KIF13A: variants seen among roughly 807,000 people sequenced by gnomAD.
KIF13A encodes kinesin family member 13A.
KIF13A carries 79 observed loss-of-function variants against 212.2 expected under a neutral mutation model. That is an observed-to-expected ratio of 0.37 (90% CI 0.31 to 0.45). KIF13A has a LOEUF of 0.45. Among genes scored for constraint, KIF13A ranks in the 20% least tolerant of loss-of-function variants. The pLI is 1.00. For synonymous variants in KIF13A, 789 were observed against 808.6 expected (o/e 0.98, Z 0.41); for missense variants, 1,901 against 2,209.0 (o/e 0.86, Z 2.79).
rs1024755779 is a variant in KIF13A, at chr6:17,823,090, G to A, written c.1786+2678C>T. On this transcript the variant is annotated intron_variant, in intron 16 of 38. Transcript: ENST00000259711. ...TCACTCTTATTGCCCAGGCTGGAGTGCAATGGCACCATCTCGGATCACTGC... is the reference window on the plus strand; with the variant it reads ...TCACTCTTATTGCCCAGGCTGGAGTACAATGGCACCATCTCGGATCACTGC... Among the ~76,000 whole-genome samples the A allele has an allele frequency of 2.0e-5, 3 of 151,040 alleles. No homozygotes were observed. In the South Asian group the frequency reaches 6.3e-4, roughly 32 times the overall value.
intron 12 of KIF13A, among the ~76,000 whole-genome samples, chr6:17,833,113 G>T (rs1765604425): frequency 6.7e-6 from 1 of 150,032 alleles, no homozygotes; most frequent in Non-Finnish European, 1.5e-5. Flanking sequence ...AACCATGCTT[G>T]TTCAAATTTA....
intron 34 of KIF13A, among the ~76,000 whole-genome samples, chr6:17,775,370 T>C (rs1386886965): frequency 1.3e-5 from 2 of 152,230 alleles, no homozygotes; most frequent in Non-Finnish European, 1.5e-5. Flanking sequence ...TATTGATATG[T>C]GTACTATTTT....
rs2150291621 is a variant in KIF13A at position 17,771,021 on chromosome 6, T to G, written c.4581+93A>C. 2.5e-6 allele frequency: 2 copies of G among 804,362 alleles called. No individual in the cohort carries two copies. Among genetic ancestry groups the G allele is most frequent in the African/African-American group, 3.4e-5 (2 of 58,398 alleles). 49.8% of individuals were successfully genotyped at this position (804,362 alleles called of 1,614,324 possible). On this transcript the variant is annotated intron_variant, in intron 38 of 38. Transcript: ENST00000259711. This position sits in a 1 kb window ranked among gnomAD's most constrained non-coding sequence, Gnocchi z 5.4. Reference sequence around the variant, plus strand: ...TTCTTTAAGACAAAGACCCAATACATGTCTTAATTTCTTCTAGCATTTGGA... The same window carrying G: ...TTCTTTAAGACAAAGACCCAATACAGGTCTTAATTTCTTCTAGCATTTGGA...
At chr6:17,929,432 G>A (rs971732248) in intron 2 of KIF13A, among the ~76,000 whole-genome samples, 12 of 145,458 alleles carry the variant, frequency 8.2e-5, no homozygotes, top group African/African-American at 1.5e-4. Context: ...ACAGAGTCTC[G>A]CTCTGTTGGC....
rs150486094 is a variant in KIF13A, at chr6:17,971,406, A to G, written c.146+15648T>C. Among the ~76,000 whole-genome samples the G allele has an allele frequency of 6.8e-3, 1,037 of 152,200 alleles. 8 individuals carry two copies. The highest frequency in any genetic ancestry group is 0.024 in the African/African-American group (979 of 41,534). On this transcript the variant is annotated intron_variant, in intron 2 of 38. Coordinates refer to ENST00000259711, the MANE Select transcript of KIF13A (RefSeq NM_022113.6). The surrounding 1 kb of genome is among the most constrained non-coding windows in gnomAD (Gnocchi z 4.2). The stretch of plus-strand genomic sequence containing the variant: ...CTCTATTTTATAATAAAATATTAAA[A>G]TTTAGTAGCGGTTTGTTTTTTTCCT...
chr6:17,803,956 T>C (rs1194923743), intron 20 of KIF13A, among the ~76,000 whole-genome samples: 3 of 152,104 alleles, frequency 2.0e-5, no homozygotes, highest in African/African-American at 7.2e-5. Context: ...ATCAAGACCA[T>C]CCTGGCTAAC....
rs1483671562 is a variant in KIF13A at position 17,915,651 on chromosome 6, A to C, written c.147-17471T>G. Among the ~76,000 whole-genome samples the C allele has an allele frequency of 6.6e-6, 1 of 152,206 alleles. No homozygotes were observed. The highest frequency in any genetic ancestry group is 2.1e-4 in the South Asian group (1 of 4,812). Reference sequence around the variant, plus strand: ...GTAGTTTCAATGTCACATCGAGTTGAATCACCAGGACAGGAAAATTACAGT... The same window carrying C: ...GTAGTTTCAATGTCACATCGAGTTGCATCACCAGGACAGGAAAATTACAGT... On this transcript the variant is annotated intron_variant, in intron 2 of 38. Coordinates refer to ENST00000259711, the MANE Select transcript of KIF13A (RefSeq NM_022113.6). The surrounding 1 kb of genome is among the most constrained non-coding windows in gnomAD (Gnocchi z 4.4).
chr6:17,805,412 TA>T, intron 19 of KIF13A, 62 bp downstream of exon 19: 2 of 1,310,154 alleles, frequency 1.5e-6, no homozygotes. Context: ...TGTGTGTTGC[TA>T]AATCGCTTAT....
chr6:17,821,009 C>T (rs574007481), intron 16 of KIF13A, among the ~76,000 whole-genome samples: 8 of 152,262 alleles, frequency 5.3e-5, no homozygotes, highest in African/African-American at 1.9e-4. Flanking sequence ...CCTTTGTCAG[C>T]CCCTTAATTG....
At chr6:17,766,165 A>G (rs1420455368) in intron 38 of KIF13A, among the ~76,000 whole-genome samples, 1 of 152,166 alleles carries the variant, frequency 6.6e-6, no homozygotes. Context: ...GAACCGAAGC[A>G]TCAGCCTTAC....
intron 2 of KIF13A, among the ~76,000 whole-genome samples, chr6:17,937,797 T>G (rs1397220180): frequency 6.6e-6 from 1 of 151,254 alleles, no homozygotes; most frequent in Non-Finnish European, 1.5e-5. Flanking sequence ...TCGACCAGGC[T>G]GGAGTACAGT....
chr6:17,833,393 G>A (rs1024989742), intron 12 of KIF13A, among the ~76,000 whole-genome samples: 3 of 151,572 alleles, frequency 2.0e-5, no homozygotes, highest in African/African-American at 4.9e-5. Flanking sequence ...TACTTGGGGG[G>A]ACTGAGGGAG....
At chr6:17,779,257 A>ATATATAT (rs1561961153) in intron 32 of KIF13A, among the ~76,000 whole-genome samples, 158 bp from the exon 33 acceptor site, 3 of 37,848 alleles carry the variant, frequency 7.9e-5, no homozygotes, top group African/African-American at 3.5e-4. Context: ...ATATATATAT[A>ATATATAT]TTTTTTTTTT....
Position 17,850,317 on chromosome 6 carries a change from C to T in KIF13A, c.717+6G>A, listed in dbSNP as rs752347786. On this transcript the variant is annotated splice_donor_region_variant and intron_variant, in intron 8 of 38. Coordinates refer to ENST00000259711, the MANE Select transcript of KIF13A (RefSeq NM_022113.6). This position sits in a 1 kb window ranked among gnomAD's most constrained non-coding sequence, Gnocchi z 6.2. ...CACTCCAAAAAGGTTCTGCCTAATC[C>T]CTTACCCCAGACTGCAGGTCATAAA... 9 of 1,610,634 alleles carry T rather than the reference C, an allele frequency of 5.6e-6. No homozygotes were observed. Among genetic ancestry groups the T allele is most frequent in the Non-Finnish European group, 7.6e-6 (9 of 1,178,036 alleles).
intron 25 of KIF13A, among the ~76,000 whole-genome samples, chr6:17,793,414 G>A (rs1017601285): frequency 1.3e-5 from 2 of 152,014 alleles, no homozygotes; most frequent in Non-Finnish European, 2.9e-5. Flanking sequence ...TTTTCATGGA[G>A]TACTGAATAG....
chr6:17,983,753 G>A (rs1199469324), intron 2 of KIF13A, among the ~76,000 whole-genome samples: 2 of 152,060 alleles, frequency 1.3e-5, no homozygotes, highest in Non-Finnish European at 2.9e-5. Context: ...CTCCCAAAGT[G>A]CTGGGATTAC....
chr6:17,899,919 G>A lies in KIF13A; in HGVS notation c.147-1739C>T, dbSNP rs183344135. On this transcript the variant is annotated intron_variant, in intron 2 of 38. Coordinates refer to ENST00000259711, the MANE Select transcript of KIF13A (RefSeq NM_022113.6). The surrounding 1 kb of genome is among the most constrained non-coding windows in gnomAD (Gnocchi z 5.2). ...ATTTCTGCCATGAAAATTTCCTTAA[G>A]TGGAAGACAATTCAGGAAGGCCTCA... Among the ~76,000 whole-genome samples, 140 of 152,256 alleles carry A rather than the reference G, an allele frequency of 9.2e-4. 2 individuals are homozygous for A. The highest frequency in any genetic ancestry group is 3.2e-3 in the African/African-American group (133 of 41,534).
rs1305153597 is a variant in KIF13A at position 17,826,955 on chromosome 6, T to C, written c.1533-831A>G. 6.6e-6 allele frequency among the ~76,000 whole-genome samples: 1 copy of C among 151,724 alleles called. No individual in the cohort carries two copies. Among genetic ancestry groups the C allele is most frequent in the Non-Finnish European group, 1.5e-5 (1 of 67,918 alleles). On this transcript the variant is annotated intron_variant, in intron 14 of 38. Transcript: ENST00000259711. This position sits in a 1 kb window ranked among gnomAD's most constrained non-coding sequence, Gnocchi z 4.7. Reference sequence around the variant, plus strand: ...GTGGGCGCCTGTAATCCCAGCTACTTGGGAGGCGAGGCAGGAGGTTTGCTT... The same window carrying C: ...GTGGGCGCCTGTAATCCCAGCTACTCGGGAGGCGAGGCAGGAGGTTTGCTT...
rs58092993 is a variant in KIF13A at position 17,858,081 on chromosome 6, ATGTGTGTG to A, written c.221-1967_221-1960del. Among the ~76,000 whole-genome samples the A allele has an allele frequency of 8.1e-3, 1,177 of 144,674 alleles. 15 individuals are homozygous for A. Among genetic ancestry groups the A allele is most frequent in the African/African-American group, 0.029 (1,092 of 37,642 alleles). 94.9% of individuals were successfully genotyped at this position (144,674 alleles called of 152,430 possible). ...ATGTAAAACCTTATGTCAAATAGTT[ATGTGTGTG>A]TGTGTGTGTGTGTGTGTGTGTGTGC... On this transcript the variant is annotated intron_variant, in intron 4 of 38. Transcript: ENST00000259711.
Sources: allele counts gnomAD v4.1 joint callset (sites outside exome capture counted in the v4.1 genomes callset), GRCh38; gene constraint gnomAD v4.1.1; non-coding constraint Gnocchi (gnomAD v3.1); transcripts MANE v1.5; gene names NCBI Gene and HGNC (gene_info 2026-07-23, HGNC 2026-07-21).